MYCBP2: variants seen among roughly 807,000 people sequenced by gnomAD.
MYCBP2 encodes the protein E3 ubiquitin-protein ligase MYCBP2.
MYCBP2 carries 120 observed loss-of-function variants against 525.3 expected under a neutral mutation model. That is an observed-to-expected ratio of 0.23 (90% CI 0.20 to 0.27). The LOEUF (loss-of-function observed/expected upper bound fraction) is 0.27, where lower values mean the gene tolerates loss of function less well. Ranked by LOEUF, MYCBP2 falls within the 10% of genes least tolerant of loss-of-function variation. The pLI, the probability that MYCBP2 is intolerant of heterozygous loss-of-function variation, is 1.00. For synonymous variants in MYCBP2, 1,894 were observed against 1,955.8 expected (o/e 0.97, Z 0.83); for missense variants, 4,149 against 5,657.1 (o/e 0.73, Z 8.55).
rs2054478865 is a variant in MYCBP2, at chr13:77,140,725, G to GA, written c.7401+120dup. On this transcript the variant is annotated intron_variant, in intron 50 of 82. Transcript: ENST00000544440. ...GAACTACTCTCTAAATTTATTTAGG[G>GA]ATATTTAGAATTCAAGTCCTGAAAT... 4.0e-6 allele frequency: 3 copies of GA among 753,010 alleles called. No individual in the cohort carries two copies. The African/African-American group carries it at 5.4e-5, about 13-fold the overall frequency. 46.6% of individuals were successfully genotyped at this position (753,010 alleles called of 1,614,324 possible).
intron 55 of MYCBP2, among the ~76,000 whole-genome samples, chr13:77,112,336 TAATA>T (rs1431059676): frequency 1.4e-5 from 2 of 146,786 alleles, no homozygotes; most frequent in Admixed American, 6.9e-5. Context: ...TTTATTTATA[TAATA>T]TATATTTTAT....
chr13:77,196,089 T>C (rs1199859120), intron 26 of MYCBP2, among the ~76,000 whole-genome samples: 1 of 152,168 alleles, frequency 6.6e-6, no homozygotes, highest in East Asian at 1.9e-4. Context: ...TACCAGGGAA[T>C]GAAGCTCTGA....
intron 21 of MYCBP2, 22 bp downstream of exon 21, chr13:77,217,818 T>A (rs755382990): frequency 6.8e-7 from 1 of 1,470,396 alleles, no homozygotes; most frequent in Non-Finnish European, 9.4e-7. Context: ...GCAATATTAT[T>A]AATGTTTTAA....
At chr13:77,217,734 A>T in intron 21 of MYCBP2, 106 bp downstream of exon 21, 9 of 571,234 alleles carry the variant, frequency 1.6e-5, no homozygotes, top group Non-Finnish European at 2.7e-5. Flanking sequence ...AACAATTATA[A>T]TATAATTGTT....
intron 54 of MYCBP2, among the ~76,000 whole-genome samples, chr13:77,122,546 G>A (rs1046191154): frequency 2.0e-5 from 3 of 151,898 alleles, no homozygotes; most frequent in Admixed American, 6.6e-5. Context: ...AAAATTAGCC[G>A]GGCGTGGTGG....
chr13:77,116,448 C>T (rs1393706342), intron 55 of MYCBP2, among the ~76,000 whole-genome samples: 1 of 152,038 alleles, frequency 6.6e-6, no homozygotes, highest in Admixed American at 6.6e-5. Flanking sequence ...ATAAAAAATA[C>T]AATTCTGAAT....
chr13:77,251,415 T>C, intron 14 of MYCBP2, 60 bp from the exon 15 acceptor site: 2 of 1,387,280 alleles, frequency 1.4e-6, no homozygotes, highest in Non-Finnish European at 1.0e-6. Context: ...AAAAGATGGA[T>C]GACTATATTT....
chr13:77,052,022 TACCATTATCTACTAG>T (rs1335758926), intron 80 of MYCBP2, 104 bp from the exon 81 acceptor site: 3 of 812,756 alleles, frequency 3.7e-6, no homozygotes, highest in Non-Finnish European at 6.1e-6. Flanking sequence ...TTTTAGAAAA[TACCATTATCTACTAG>T]ACCATCCCTT....
At chr13:77,173,865 G>A (rs1278269445) in intron 37 of MYCBP2, among the ~76,000 whole-genome samples, 1 of 152,046 alleles carries the variant, frequency 6.6e-6, no homozygotes, top group Non-Finnish European at 1.5e-5. Flanking sequence ...ATATATTCTA[G>A]GGCCCCAGGG....
At chr13:77,141,165 G>C (rs1443126143) in intron 49 of MYCBP2, among the ~76,000 whole-genome samples, 1 of 152,116 alleles carries the variant, frequency 6.6e-6, no homozygotes, top group Non-Finnish European at 1.5e-5. Flanking sequence ...AGGAAAAGAA[G>C]GGGCTCCCTA....
intron 1 of MYCBP2, among the ~76,000 whole-genome samples, chr13:77,302,991 T>C (rs919378038): frequency 6.6e-6 from 1 of 152,170 alleles, no homozygotes; most frequent in Non-Finnish European, 1.5e-5. Flanking sequence ...TCTCTGTAAC[T>C]GATAGAACAA....
intron 55 of MYCBP2, among the ~76,000 whole-genome samples, chr13:77,108,350 GCTGAGACAAAAATT>G (rs2048186744): frequency 6.6e-6 from 1 of 152,144 alleles, no homozygotes; most frequent in Non-Finnish European, 1.5e-5. Context: ...GTTTGTGATG[GCTGAGACAAAAATT>G]CTGAGCATAA....
At chr13:77,125,183 A>G (rs890183196) in intron 54 of MYCBP2, among the ~76,000 whole-genome samples, 153 bp downstream of exon 54, 1 of 152,220 alleles carries the variant, frequency 6.6e-6, no homozygotes, top group Non-Finnish European at 1.5e-5. Flanking sequence ...TTACAAACCA[A>G]TTTTAACAGT....
At chr13:77,135,110 T>C (rs934974174) in intron 52 of MYCBP2, among the ~76,000 whole-genome samples, 1 of 152,186 alleles carries the variant, frequency 6.6e-6, no homozygotes, top group Non-Finnish European at 1.5e-5. Flanking sequence ...AATACAAAAT[T>C]GTTTTAACTA....
At chr13:77,082,716 T>C (rs1302478692) in intron 63 of MYCBP2, among the ~76,000 whole-genome samples, 1 of 152,142 alleles carries the variant, frequency 6.6e-6, no homozygotes, top group Non-Finnish European at 1.5e-5. Context: ...GTTTTTGAGA[T>C]TTCATTTTCC....
intron 73 of MYCBP2, among the ~76,000 whole-genome samples, chr13:77,063,115 C>T (rs1389245803): frequency 2.0e-5 from 3 of 152,172 alleles, no homozygotes; most frequent in Admixed American, 2.0e-4. Context: ...TGTACAGTCC[C>T]ATGAGTAGTC....
At chr13:77,139,088 G>A in intron 52 of MYCBP2, 108 bp downstream of exon 52, 5 of 1,215,632 alleles carry the variant, frequency 4.1e-6, no homozygotes, top group Non-Finnish European at 5.7e-6. Flanking sequence ...TAAAGTAAAG[G>A]TTACTTAGTT....
intron 44 of MYCBP2, among the ~76,000 whole-genome samples, chr13:77,159,555 G>T (rs2057622488): frequency 6.6e-6 from 1 of 152,136 alleles, no homozygotes; most frequent in African/African-American, 2.4e-5. Flanking sequence ...CCACATGTTG[G>T]GGGAGTGACC....
chr13:77,142,721 C>A (rs2054885019), intron 49 of MYCBP2, among the ~76,000 whole-genome samples: 1 of 152,150 alleles, frequency 6.6e-6, no homozygotes, highest in Non-Finnish European at 1.5e-5. Flanking sequence ...AGTGAGACTA[C>A]CATATACAAG....
Sources: gnomAD v4.1 joint callset for allele counts (sites outside exome capture counted in the v4.1 genomes callset) on GRCh38, gnomAD v4.1.1 for gene constraint, MANE v1.5 for transcripts, NCBI Gene and HGNC (gene_info 2026-07-23, HGNC 2026-07-21) for gene names.